The following NRG3 variants were observed in gnomAD, a reference collection of about 807,000 sequenced individuals.
NRG3 encodes the protein neuregulin 3, also known as pro-neuregulin-3, membrane-bound isoform.
A neutral mutation model predicts 66.9 loss-of-function variants in NRG3; 31 were observed. That is an observed-to-expected ratio of 0.46 (90% CI 0.35 to 0.63). The LOEUF is 0.63. Ranked by LOEUF, NRG3 falls within the 20% of genes least tolerant of loss-of-function variation. The pLI is 0.00. For synonymous variants in NRG3, 393 were observed against 359.4 expected (o/e 1.09, Z -1.06); for missense variants, 910 against 878.9 (o/e 1.04, Z -0.45).
At chr10:82,033,533 CTTT>C (rs2062663274) in intron 1 of NRG3, among the ~76,000 whole-genome samples, 2 of 152,070 alleles carry the variant, frequency 1.3e-5, no homozygotes, top group African/African-American at 4.8e-5. Flanking sequence ...AGTCCTTCTT[CTTT>C]AAGACCAGAA....
At chr10:82,924,619 G>A (rs1846799539) in intron 4 of NRG3, among the ~76,000 whole-genome samples, 1 of 150,374 alleles carries the variant, frequency 6.7e-6, no homozygotes, top group South Asian at 2.1e-4. Context: ...GGTTGACACA[G>A]CATAGAATAT....
intron 3 of NRG3, among the ~76,000 whole-genome samples, chr10:82,805,423 G>A (rs1028742792): frequency 3.9e-5 from 6 of 152,188 alleles, no homozygotes; most frequent in South Asian, 2.1e-4. Context: ...TTGTCTCTGC[G>A]TCTTTTGTCC....
intron 2 of NRG3, among the ~76,000 whole-genome samples, chr10:82,607,159 C>T (rs2048019853): frequency 6.6e-6 from 1 of 152,196 alleles, no homozygotes; most frequent in African/African-American, 2.4e-5. Context: ...TCTGCCATAT[C>T]TATCAATAAC....
At chr10:82,518,277 G>C (rs1392788145) in intron 2 of NRG3, among the ~76,000 whole-genome samples, 2 of 152,112 alleles carry the variant, frequency 1.3e-5, no homozygotes, top group African/African-American at 4.8e-5. Flanking sequence ...TGTGAGAAAG[G>C]AAATGGACCA....
At chr10:82,349,625 T>A (rs2083281973) in intron 1 of NRG3, among the ~76,000 whole-genome samples, 2 of 152,002 alleles carry the variant, frequency 1.3e-5, no homozygotes. Flanking sequence ...TTTGTTTACC[T>A]AAGCAAGCCT....
intron 2 of NRG3, among the ~76,000 whole-genome samples, chr10:82,709,883 G>C (rs1031203010): frequency 6.6e-6 from 1 of 152,068 alleles, no homozygotes; most frequent in Non-Finnish European, 1.5e-5. Flanking sequence ...TTCCTTTTCT[G>C]GTCTTCAAAT....
At chr10:82,389,104 C>G (rs1439838938) in intron 2 of NRG3, among the ~76,000 whole-genome samples, 1 of 152,074 alleles carries the variant, frequency 6.6e-6, no homozygotes, top group Non-Finnish European at 1.5e-5. Context: ...TGCATTCACC[C>G]CCCTAACCAC....
intron 1 of NRG3, among the ~76,000 whole-genome samples, chr10:82,065,372 GATA>G (rs1425209309): frequency 6.6e-6 from 1 of 152,162 alleles, no homozygotes; most frequent in East Asian, 1.9e-4. Flanking sequence ...TTTAGAGTTT[GATA>G]ATAACTTTTA....
At chr10:82,951,439 C>T in intron 4 of NRG3, 30 bp from the exon 5 acceptor site, 2 of 1,537,706 alleles carry the variant, frequency 1.3e-6, no homozygotes, top group South Asian at 2.2e-5. Context: ...CCGCTAGCAT[C>T]CATTCTAATT....
At chr10:82,351,358 T>A (rs1040789855) in intron 1 of NRG3, among the ~76,000 whole-genome samples, 3 of 152,226 alleles carry the variant, frequency 2.0e-5, no homozygotes, top group African/African-American at 7.2e-5. Flanking sequence ...CCACCGTGGA[T>A]AGCATCCAGA....
chr10:82,090,980 A>G lies in NRG3; in HGVS notation c.823+214817A>G, dbSNP rs866910655. ...GGAGCATAACGGTGCAGTGTGAAGC[A>G]TTTAAGACAAAAACGTTTTAGAGTC... On this transcript the variant is annotated intron_variant, in intron 1 of 8. Transcript: ENST00000372141. Among the ~76,000 whole-genome samples the G allele has an allele frequency of 2.0e-5, 3 of 152,142 alleles. No individual in the cohort carries two copies. The South Asian group carries it at 6.2e-4, about 31-fold the overall frequency.
At chr10:82,239,769 A>G (rs2076926827) in intron 1 of NRG3, among the ~76,000 whole-genome samples, 1 of 152,120 alleles carries the variant, frequency 6.6e-6, no homozygotes, top group Admixed American at 6.5e-5. Flanking sequence ...CTTAAGATTT[A>G]GATTTTTATT....
chr10:82,724,790 T>C (rs1038681496), intron 2 of NRG3, among the ~76,000 whole-genome samples: 3 of 152,200 alleles, frequency 2.0e-5, no homozygotes, highest in Non-Finnish European at 4.4e-5. Context: ...GTTTTATCAG[T>C]TGTTTGCTAA....
intron 1 of NRG3, among the ~76,000 whole-genome samples, chr10:82,209,107 C>A (rs2075272433): frequency 6.6e-6 from 1 of 152,150 alleles, no homozygotes; most frequent in Admixed American, 6.6e-5. Context: ...CTAACATCTT[C>A]AAGGAATCTG....
chr10:82,134,484 C>T (rs2069174001), intron 1 of NRG3, among the ~76,000 whole-genome samples: 2 of 152,184 alleles, frequency 1.3e-5, no homozygotes, highest in African/African-American at 2.4e-5. Context: ...TATGGCTGGC[C>T]AGTTATCCCA....
intron 1 of NRG3, among the ~76,000 whole-genome samples, chr10:82,200,661 G>A (rs1020159511): frequency 9.9e-5 from 15 of 152,104 alleles, no homozygotes; most frequent in Admixed American, 9.8e-4. Flanking sequence ...TCGCATGCCC[G>A]AAGTCAAGCA....
intron 3 of NRG3, among the ~76,000 whole-genome samples, chr10:82,776,931 G>T (rs2059933260): frequency 1.3e-5 from 2 of 151,912 alleles, no homozygotes; most frequent in African/African-American, 2.4e-5. Context: ...ATTTATATGG[G>T]GTTAGCTACT....
chr10:82,435,331 C>G (rs1411999701), intron 2 of NRG3, among the ~76,000 whole-genome samples: 1 of 151,938 alleles, frequency 6.6e-6, no homozygotes, highest in East Asian at 1.9e-4. Context: ...TGATGCTTCT[C>G]TCTTCTTCTT....
At chr10:82,975,123 T>A (rs1852130764) in intron 7 of NRG3, among the ~76,000 whole-genome samples, 1 of 152,356 alleles carries the variant, frequency 6.6e-6, no homozygotes, top group African/African-American at 2.4e-5. Flanking sequence ...ATGTTGCATT[T>A]ACAGAATATT....
Sources: allele counts gnomAD v4.1 joint callset (sites outside exome capture counted in the v4.1 genomes callset), GRCh38; gene constraint gnomAD v4.1.1; transcripts MANE v1.5; gene names NCBI Gene and HGNC (gene_info 2026-07-23, HGNC 2026-07-21).